The following TMEM200C variants were observed in gnomAD, a reference collection of about 807,000 sequenced individuals.
TMEM200C encodes transmembrane protein 200C, also known as transmembrane protein TTMA.
For synonymous variants in TMEM200C, 462 were observed against 324.7 expected, an observed-to-expected ratio of 1.42 and a Z score of -4.55; for missense variants, 966 against 699.9, an observed-to-expected ratio of 1.38 and a Z score of -4.29.
At chr18:5,889,460 T>C (rs2095167902) in exon 3 of TMEM200C, 1 of 152,190 alleles carries the variant, frequency 6.6e-6, no homozygotes, top group Non-Finnish European at 1.5e-5. Flanking sequence ...ATTTTAAATA[T>C]TAATGCTATT....
exon 3 of TMEM200C, chr18:5,890,394 T>C: frequency 6.3e-7 from 1 of 1,582,436 alleles, no homozygotes; most frequent in Non-Finnish European, 8.6e-7. Flanking sequence ...GTCTCGCGTT[T>C]GACCAGCTAC....
chr18:5,890,990 T>C, exon 3 of TMEM200C: 2 of 652,910 alleles, frequency 3.1e-6, no homozygotes, highest in Non-Finnish European at 5.5e-6. Flanking sequence ...AGCTCTCGGG[T>C]GGGCTGCAGG....
At position 5,890,512 on chromosome 18, in the gene TMEM200C, T is replaced by TG. The variant is rs771174413; in HGVS notation, c.1551dup (p.Thr518HisfsTer12). On this transcript the variant is annotated frameshift_variant, in exon 3 of 3. Transcript: ENST00000581347. LOFTEE classifies it low-confidence loss of function (END_TRUNC). ...TGGGAGCTCCCGGAGTCCCGCCTGG[T>TG]GGGGGGCGAGCCCTCCAGCCGCAGG... 4 of 1,511,038 alleles carry TG rather than the reference T, an allele frequency of 2.6e-6. No homozygotes were observed. Among genetic ancestry groups the TG allele is most frequent in the African/African-American group, 1.4e-5 (1 of 71,508 alleles). The allele number at this position is 1,511,038 out of a possible 1,614,324, so 93.6% of individuals were successfully genotyped here.
At chr18:5,890,379 G>C in exon 3 of TMEM200C, 2 of 1,586,512 alleles carry the variant, frequency 1.3e-6, no homozygotes, top group Non-Finnish European at 8.6e-7. Context: ...GGCGGCCACA[G>C]CAGAGTCTCG....
intron 2 of TMEM200C, among the ~76,000 whole-genome samples, chr18:5,894,081 T>C (rs2095173701): frequency 6.6e-6 from 1 of 152,174 alleles, no homozygotes; most frequent in Non-Finnish European, 1.5e-5. Context: ...AGACATTTTT[T>C]AGAAGCGAAC....
chr18:5,894,307 A>G (rs774701928), intron 2 of TMEM200C, among the ~76,000 whole-genome samples: 1 of 152,190 alleles, frequency 6.6e-6, no homozygotes, highest in Non-Finnish European at 1.5e-5. Flanking sequence ...TGAGTTTAAT[A>G]GCTAGTAATT....
At chr18:5,890,599 A>G (rs2144447454) in exon 3 of TMEM200C, 2 of 1,086,852 alleles carry the variant, frequency 1.8e-6, no homozygotes, top group Non-Finnish European at 2.3e-6. Context: ...CTCCCCGGGG[A>G]GGGCGGGGGC....
chr18:5,890,846 C>T (rs1410632217), exon 3 of TMEM200C: 1 of 678,630 alleles, frequency 1.5e-6, no homozygotes, highest in South Asian at 1.5e-5. Flanking sequence ...AGCCGCGTTC[C>T]CCCGGAGGCC....
rs1384597287 is a variant in TMEM200C at position 5,890,841 on chromosome 18, C to G, written c.1223G>C (p.Arg408Pro). 5 of 677,772 alleles carry G rather than the reference C, an allele frequency of 7.4e-6. 1 individual carries two copies. The highest frequency in any genetic ancestry group is 1.3e-5 in the Non-Finnish European group (5 of 374,134). 42.0% of individuals were successfully genotyped at this position (677,772 alleles called of 1,614,324 possible). The change falls in exon 3 of 3, where the codon CGC becomes CCC. Residue 408 changes from arginine to proline, a missense_variant. By Grantham distance (103) the Arg-to-Pro change is moderately radical. Transcript: ENST00000581347. ...GCCCCTCGGGATCTCCTGGGAGCCG[C>G]GTTCCCCCGGAGGCCTCTGCCAGCT...
chr18:5,887,090 C>T (rs1359599048), exon 3 of TMEM200C: 1 of 152,110 alleles, frequency 6.6e-6, no homozygotes, highest in African/African-American at 2.4e-5. Flanking sequence ...TGTAACTTGT[C>T]CATGGTCACC....
chr18:5,894,164 G>T (rs2095173767), intron 2 of TMEM200C, among the ~76,000 whole-genome samples: 1 of 152,118 alleles, frequency 6.6e-6, no homozygotes, highest in Non-Finnish European at 1.5e-5. Flanking sequence ...GATCAGGTGC[G>T]CCGGGAGGCT....
chr18:5,891,603 C>A lies in TMEM200C; in HGVS notation c.461G>T (p.Arg154Leu). 6.2e-7 allele frequency: 1 copy of A among 1,613,800 alleles called. No individual in the cohort carries two copies. The highest frequency in any genetic ancestry group is 1.1e-5 in the South Asian group (1 of 91,078). The change falls in exon 3 of 3, where the codon CGC (arginine) becomes CTC (leucine). Residue 154 changes from arginine (R) to leucine (L), a missense_variant. Coordinates refer to ENST00000581347, the Ensembl canonical transcript of TMEM200C. This position sits in a 1 kb window ranked among gnomAD's most constrained non-coding sequence, Gnocchi z 4.7. ...AGAGTGCAGGTAGCCAGAGAAGATGCGGAAGAAGAAGCCCACGGACGTGGA... is the reference window on the plus strand; with the variant it reads ...AGAGTGCAGGTAGCCAGAGAAGATGAGGAAGAAGAAGCCCACGGACGTGGA...
At chr18:5,887,111 A>T (rs775019708) in exon 3 of TMEM200C, 2 of 152,230 alleles carry the variant, frequency 1.3e-5, no homozygotes, top group Non-Finnish European at 2.9e-5. Context: ...CAGCTGGTAC[A>T]TGACAGAAAT....
In TMEM200C at chr18:5,891,360, G is replaced by C. The variant is rs2095170790; in HGVS notation, c.704C>G (p.Ser235Cys). 7.4e-7 allele frequency: 1 copy of C among 1,344,872 alleles called. No individual in the cohort carries two copies. Among genetic ancestry groups the C allele is most frequent in the Non-Finnish European group, 9.5e-7 (1 of 1,052,030 alleles). 83.3% of individuals were successfully genotyped at this position (1,344,872 alleles called of 1,614,324 possible). A position where few individuals can be genotyped will look rare whatever the true frequency, so the allele number is the denominator to read the frequency against. Reference sequence around the variant, plus strand: ...CCCGGGGGGCGCCGCGGCGGGGGCAGACGACGACGAAGAGGCGGCGGCGGC... The same window carrying C: ...CCCGGGGGGCGCCGCGGCGGGGGCACACGACGACGAAGAGGCGGCGGCGGC... The change falls in exon 3 of 3, where the codon TCT becomes TGT. Residue 235 changes from serine (S) to cysteine (C), a missense_variant. Coordinates refer to ENST00000581347, the Ensembl canonical transcript of TMEM200C. This position sits in a 1 kb window ranked among gnomAD's most constrained non-coding sequence, Gnocchi z 4.7.
exon 3 of TMEM200C, chr18:5,887,745 C>T (rs1352574117): frequency 6.6e-6 from 1 of 152,218 alleles, no homozygotes; most frequent in African/African-American, 2.4e-5. Context: ...TGAAAATTAG[C>T]ATTATTGCAG....
At chr18:5,895,319 C>T (rs755476825) in exon 2 of TMEM200C, 8 of 151,794 alleles carry the variant, frequency 5.3e-5, no homozygotes, top group Non-Finnish European at 1.2e-4. Context: ...CGCCGCTCAT[C>T]CTCCAGCTCC....
chr18:5,883,092 G>T (rs1192578708), exon 3 of TMEM200C: 1 of 151,920 alleles, frequency 6.6e-6, no homozygotes, highest in Non-Finnish European at 1.5e-5. Context: ...AATTATTAGT[G>T]GCTCTGACAA....
exon 3 of TMEM200C, chr18:5,887,485 C>T (rs2095166249): frequency 6.6e-6 from 1 of 152,170 alleles, no homozygotes; most frequent in Admixed American, 6.5e-5. Flanking sequence ...TGATGGTCTC[C>T]AGAAATGCCC....
exon 2 of TMEM200C, chr18:5,895,071 C>G (rs56288231): frequency 1.3e-5 from 2 of 152,246 alleles, no homozygotes; most frequent in East Asian, 3.9e-4. Flanking sequence ...AACGGGCGCT[C>G]GGGCGACACA....
Sources: allele counts gnomAD v4.1 joint callset (sites outside exome capture counted in the v4.1 genomes callset), GRCh38; gene constraint gnomAD v4.1.1; non-coding constraint Gnocchi (gnomAD v3.1); transcripts MANE v1.5; gene names NCBI Gene and HGNC (gene_info 2026-07-23, HGNC 2026-07-21).